The following QSOX1 variants were observed in gnomAD, a reference collection of about 807,000 sequenced individuals.
QSOX1 encodes the protein sulfhydryl oxidase 1.
QSOX1 carries 40 observed loss-of-function variants against 76.1 expected under a neutral mutation model. That is an observed-to-expected ratio of 0.53 (90% CI 0.41 to 0.68). The LOEUF is 0.68. Ranked by LOEUF, QSOX1 falls within the 30% of genes least tolerant of loss-of-function variation. The probability of loss-of-function intolerance (pLI) is 0.00; values close to 1 mark genes in which losing one functional copy is unlikely to be tolerated. For missense variants in QSOX1, 931 were observed against 974.3 expected (o/e 0.96, Z 0.59); for synonymous variants, 392 against 413.1 (o/e 0.95, Z 0.62).
rs1357329305 is a variant in QSOX1, at chr1:180,197,150, G to A, written c.*113G>A. On this transcript the variant is annotated 3_prime_UTR_variant, in exon 12 of 12. Transcript: ENST00000367602. ...CTCCTTGTCTGGCCTAGAAGTGTGG[G>A]AAATTCAGGAAAACGAGTTGCTCCA... is the stretch of plus-strand genomic sequence containing the variant. 2.7e-6 allele frequency: 4 copies of A among 1,503,504 alleles called. No homozygotes were observed. Among genetic ancestry groups the A allele is most frequent in the Non-Finnish European group, 2.7e-6 (3 of 1,129,714 alleles). 93.1% of individuals were successfully genotyped at this position (1,503,504 alleles called of 1,614,324 possible).
intron 11 of QSOX1, 23 bp downstream of exon 11, chr1:180,194,415 G>C (rs763197347): frequency 2.0e-6 from 3 of 1,512,506 alleles, no homozygotes; most frequent in Non-Finnish European, 2.7e-6. Flanking sequence ...CATCCCCAAG[G>C]CTGGAGTCAC....
chr1:180,182,122 T>C (rs1396792496), intron 5 of QSOX1, 52 bp from the exon 6 acceptor site: 6 of 1,604,042 alleles, frequency 3.7e-6, no homozygotes, highest in Middle Eastern at 3.3e-4. Flanking sequence ...GACCCAGCCC[T>C]GGCTCCCTCC....
At position 180,155,448 on chromosome 1, in the gene QSOX1, C is replaced by T. The variant is rs1462620974; in HGVS notation, c.265+276C>T. Among the ~76,000 whole-genome samples, 4 of 152,324 alleles carry T rather than the reference C, an allele frequency of 2.6e-5. No individual in the cohort carries two copies. The East Asian group carries it at 5.8e-4, about 22-fold the overall frequency. ...TGCCCTGCTCGCCCGGTTCGTCCCCCGCCAGGTTACTGCCTCCTTCCCTGC... is the reference window on the plus strand; with the variant it reads ...TGCCCTGCTCGCCCGGTTCGTCCCCTGCCAGGTTACTGCCTCCTTCCCTGC... On this transcript the variant is annotated intron_variant, in intron 1 of 11. Coordinates refer to ENST00000367602, the MANE Select transcript of QSOX1 (RefSeq NM_002826.5).
chr1:180,191,116 A>G (rs1663298374), intron 10 of QSOX1, among the ~76,000 whole-genome samples: 1 of 152,076 alleles, frequency 6.6e-6, no homozygotes, highest in Non-Finnish European at 1.5e-5. Context: ...GCTGCCCCAC[A>G]CCTGCTTTTG....
intron 1 of QSOX1, among the ~76,000 whole-genome samples, chr1:180,157,142 C>A (rs1662393006): frequency 6.6e-6 from 1 of 152,186 alleles, no homozygotes; most frequent in African/African-American, 2.4e-5. Flanking sequence ...CAGAATTTAA[C>A]CTCTGAAAAG....
rs148485913 is a variant in QSOX1, at chr1:180,182,292, G to A, written c.725G>A (p.Arg242Gln). The A allele has an allele frequency of 6.2e-6, 10 of 1,614,096 alleles. No homozygotes were observed. The highest frequency in any genetic ancestry group is 1.7e-5 in the Admixed American group (1 of 60,002). ...TDFPSCYLLF[R>Q]NGSVSRVPVL... ...TTCCCCTCTTGCTACCTGCTGTTCC[G>A]GAATGGCTCTGTCTCCCGAGTCCCC... is the stretch of plus-strand genomic sequence containing the variant. Residue 242 changes from arginine (R) to glutamine (Q), a missense_variant, in exon 6 of 12, where the codon CGG (arginine) becomes CAG (glutamine). Physicochemically the swap from Arg to Gln is conservative, Grantham distance 43. Coordinates refer to ENST00000367602, the MANE Select transcript of QSOX1 (RefSeq NM_002826.5).
At chr1:180,181,830 G>A (rs1030723429) in intron 5 of QSOX1, among the ~76,000 whole-genome samples, 5 of 152,134 alleles carry the variant, frequency 3.3e-5, no homozygotes, top group Admixed American at 1.3e-4. Flanking sequence ...AAAAACAAAC[G>A]AGAATTAAAA....
intron 1 of QSOX1, among the ~76,000 whole-genome samples, chr1:180,164,678 T>C (rs1662571491): frequency 6.6e-6 from 1 of 152,234 alleles, no homozygotes; most frequent in African/African-American, 2.4e-5. Flanking sequence ...CGTAACGTGT[T>C]CTTAGGAGCT....
At chr1:180,167,460 C>T (rs904420679) in intron 2 of QSOX1, among the ~76,000 whole-genome samples, 3 of 152,204 alleles carry the variant, frequency 2.0e-5, no homozygotes, top group Non-Finnish European at 4.4e-5. Flanking sequence ...TACCTCTGAG[C>T]TGGGGGTAGG....
rs1157050302 is a variant in QSOX1, at chr1:180,196,736, G to A, written c.1943G>A (p.Gly648Glu). The A allele has an allele frequency of 6.8e-6, 11 of 1,614,014 alleles. No homozygotes were observed. The highest frequency in any genetic ancestry group is 1.7e-5 in the Admixed American group (1 of 60,014). The change falls in exon 12 of 12, where the codon GGG (glycine) becomes GAG (glutamate). Residue 648 changes from glycine to glutamate, a missense_variant. Coordinates refer to ENST00000367602, the MANE Select transcript of QSOX1 (RefSeq NM_002826.5). The surrounding 1 kb of genome is among the most constrained non-coding windows in gnomAD (Gnocchi z 4.1). The stretch of plus-strand genomic sequence containing the variant: ...TGGCACTTGAGCAAGCGAGACACAG[G>A]GGCTGCATTGCTGGCTGAGTCCAGG... ...GQWHLSKRDT[G>E]AALLAESRAE...
chr1:180,201,050 A>G lies in QSOX1; in HGVS notation c.*4013A>G, dbSNP rs1034692006. On this transcript the variant is annotated 3_prime_UTR_variant, in exon 12 of 12. Transcript: ENST00000367602. The stretch of plus-strand genomic sequence containing the variant: ...GTCCTTGTTTTTAGGCCTCGTTTGA[A>G]GGAGGGGAAGAAACCAGGTTCGTTG... 1 of 152,186 alleles carries G rather than the reference A, an allele frequency of 6.6e-6. No individual in the cohort carries two copies. Among genetic ancestry groups the G allele is most frequent in the Non-Finnish European group, 1.5e-5 (1 of 68,034 alleles). The allele number at this position is 152,186 out of a possible 1,614,324, so 9.4% of individuals were successfully genotyped here.
chr1:180,178,314 A>T (rs1331035388), intron 4 of QSOX1, among the ~76,000 whole-genome samples: 1 of 152,174 alleles, frequency 6.6e-6, no homozygotes. Flanking sequence ...ATCCCAGCTC[A>T]CTGCAACCTC....
rs1663282187 is a variant in QSOX1, at chr1:180,190,520, C to G, written c.1228C>G (p.Leu410Val). The G allele has an allele frequency of 6.2e-7, 1 of 1,614,108 alleles. No homozygotes were observed. ...FRGFPCSLWV[L>V]FHFLTVQAAR... ...GGGCTTTCCCTGCTCCCTGTGGGTC[C>G]TCTTCCACTTCTTGACTGTGCAGGC... The change falls in exon 10 of 12, where the codon CTC (leucine) becomes GTC (valine). Residue 410 changes from leucine to valine, a missense_variant. Leu to Val is a conservative substitution (Grantham distance 32). Transcript: ENST00000367602.
At chr1:180,188,298 C>T (rs75388497) in intron 8 of QSOX1, among the ~76,000 whole-genome samples, 379 of 152,326 alleles carry the variant, frequency 2.5e-3, no homozygotes, top group African/African-American at 8.6e-3. Flanking sequence ...CATGTCCTGC[C>T]GGTGCCTTCC....
chr1:180,155,120 C>A lies in QSOX1; in HGVS notation c.213C>A (p.Gly71=), dbSNP rs955958924. The part of the protein sequence containing the change: ...WAVEFFASWC[G]HCIAFAPTWK... ...TGGAGTTCTTCGCCTCCTGGTGCGG[C>A]CACTGCATCGCCTTCGCCCCGACGT... The change falls in exon 1 of 12, where the codon GGC becomes GGA. Residue 71 remains glycine, a synonymous_variant. Transcript: ENST00000367602. 2 of 1,522,634 alleles carry A rather than the reference C, an allele frequency of 1.3e-6. No individual in the cohort carries two copies. The highest frequency in any genetic ancestry group is 2.0e-5 in the Admixed American group (1 of 49,868). The allele number at this position is 1,522,634 out of a possible 1,614,324, so 94.3% of individuals were successfully genotyped here.
chr1:180,176,752 A>T (rs1440595355), intron 4 of QSOX1, among the ~76,000 whole-genome samples: 1 of 152,222 alleles, frequency 6.6e-6, no homozygotes, highest in African/African-American at 2.4e-5. Context: ...GACTCTTGCC[A>T]AGAAGGAACA....
chr1:180,188,092 A>C (rs1229110944), intron 8 of QSOX1, among the ~76,000 whole-genome samples: 3 of 152,116 alleles, frequency 2.0e-5, no homozygotes, highest in Non-Finnish European at 4.4e-5. Context: ...CAGAGAACTA[A>C]AGCACCTTGC....
intron 5 of QSOX1, among the ~76,000 whole-genome samples, chr1:180,181,397 T>A (rs1663031812): frequency 1.3e-5 from 2 of 152,220 alleles, no homozygotes; most frequent in African/African-American, 2.4e-5. Context: ...CAACAAGGCC[T>A]CTTGTTGCCT....
rs887513659 is a variant in QSOX1, at chr1:180,198,934, T to G, written c.*1897T>G. On this transcript the variant is annotated 3_prime_UTR_variant, in exon 12 of 12. Coordinates refer to ENST00000367602, the MANE Select transcript of QSOX1 (RefSeq NM_002826.5). ...TAAGGGCTCCTTGCCCAATGCCAAG[T>G]GCTGGGGATTTCTGTCAGCAAGCCC... is the stretch of plus-strand genomic sequence containing the variant. 1 of 159,432 alleles carries G rather than the reference T, an allele frequency of 6.3e-6. No homozygotes were observed. Among genetic ancestry groups the G allele is most frequent in the African/African-American group, 2.4e-5 (1 of 41,540 alleles). 9.9% of individuals were successfully genotyped at this position (159,432 alleles called of 1,614,324 possible).
Sources: allele counts gnomAD v4.1 joint callset (sites outside exome capture counted in the v4.1 genomes callset), GRCh38; gene constraint gnomAD v4.1.1; non-coding constraint Gnocchi (gnomAD v3.1); transcripts MANE v1.5; gene names NCBI Gene and HGNC (gene_info 2026-07-23, HGNC 2026-07-21).